CSMD1: variants seen among roughly 807,000 people sequenced by gnomAD.
CSMD1 encodes CUB and Sushi multiple domains 1, also known as CUB and sushi domain-containing protein 1.
CSMD1 carries 213 observed loss-of-function variants against 417.5 expected under a neutral mutation model. The observed-to-expected ratio is 0.51, with a 90% CI of 0.46 to 0.57. The LOEUF (loss-of-function observed/expected upper bound fraction) is 0.57. Ranked by LOEUF, CSMD1 falls within the 20% of genes least tolerant of loss-of-function variation. The pLI is 0.00. For synonymous variants in CSMD1, 2,862 were observed against 1,736.8 expected, an observed-to-expected ratio of 1.65 and a Z score of -16.11; for missense variants, 6,923 against 4,529.7, an observed-to-expected ratio of 1.53 and a Z score of -15.17.
At chr8:4,234,287 G>T (rs1233624994) in intron 3 of CSMD1, among the ~76,000 whole-genome samples, 3 of 152,092 alleles carry the variant, frequency 2.0e-5, no homozygotes, top group Non-Finnish European at 4.4e-5. Context: ...GTGATCTATG[G>T]GACCCATCCA....
At chr8:4,028,091 T>G (rs529164722) in intron 4 of CSMD1, among the ~76,000 whole-genome samples, 1 of 151,452 alleles carries the variant, frequency 6.6e-6, no homozygotes, top group African/African-American at 2.4e-5. Context: ...AAGTAATTAA[T>G]AAGAAAAAAA....
At chr8:4,525,373 C>G (rs1275868455) in intron 2 of CSMD1, among the ~76,000 whole-genome samples, 3 of 152,150 alleles carry the variant, frequency 2.0e-5, no homozygotes, top group African/African-American at 4.8e-5. Context: ...TCTTAACACT[C>G]CCCTTCCACT....
At chr8:3,421,720 C>G (rs765669336) in intron 12 of CSMD1, among the ~76,000 whole-genome samples, 8 of 152,194 alleles carry the variant, frequency 5.3e-5, no homozygotes, top group Non-Finnish European at 7.3e-5. Flanking sequence ...TCGCTACAAC[C>G]TCCACCTCCC....
chr8:4,405,570 A>G (rs535247061), intron 3 of CSMD1, among the ~76,000 whole-genome samples: 3 of 152,338 alleles, frequency 2.0e-5, no homozygotes, highest in South Asian at 2.1e-4. Flanking sequence ...ATTCAGAAAT[A>G]CACTATACAA....
chr8:3,621,337 G>C (rs1023076360), intron 7 of CSMD1, among the ~76,000 whole-genome samples: 3 of 152,124 alleles, frequency 2.0e-5, no homozygotes, highest in Admixed American at 6.5e-5. Context: ...GCCCACAAGA[G>C]ACTCACTTTA....
chr8:3,517,707 C>T (rs1797340115), intron 10 of CSMD1, among the ~76,000 whole-genome samples: 1 of 152,138 alleles, frequency 6.6e-6, no homozygotes, highest in African/African-American at 2.4e-5. Context: ...AATTCAGTCA[C>T]ATTTTTTGAT....
chr8:3,793,131 G>A (rs963263056), intron 5 of CSMD1, among the ~76,000 whole-genome samples: 1 of 152,162 alleles, frequency 6.6e-6, no homozygotes, highest in Admixed American at 6.5e-5. Flanking sequence ...AAGAGTGGAA[G>A]GAACTGCTCG....
intron 3 of CSMD1, among the ~76,000 whole-genome samples, chr8:4,372,125 T>A (rs975427790): frequency 3.3e-5 from 5 of 152,216 alleles, no homozygotes; most frequent in Non-Finnish European, 7.3e-5. Context: ...TTACTGAATA[T>A]TAGCATTTTT....
At chr8:4,509,792 C>T (rs1169787253) in intron 2 of CSMD1, among the ~76,000 whole-genome samples, 1 of 152,118 alleles carries the variant, frequency 6.6e-6, no homozygotes, top group African/African-American at 2.4e-5. Flanking sequence ...TCATTACCAC[C>T]CCCATGACAG....
At chr8:3,724,893 G>A (rs1015526625) in intron 6 of CSMD1, among the ~76,000 whole-genome samples, 2 of 152,154 alleles carry the variant, frequency 1.3e-5, no homozygotes, top group African/African-American at 4.8e-5. Context: ...GTCGCTATTA[G>A]ATCTGCCATG....
At chr8:4,462,583 T>G (rs1329028199) in intron 2 of CSMD1, among the ~76,000 whole-genome samples, 4 of 152,182 alleles carry the variant, frequency 2.6e-5, no homozygotes, top group African/African-American at 9.6e-5. Context: ...CCTACCTGAT[T>G]CAGCACTTTC....
At chr8:3,654,706 G>C (rs1003706186) in intron 7 of CSMD1, among the ~76,000 whole-genome samples, 4 of 152,192 alleles carry the variant, frequency 2.6e-5, no homozygotes, top group African/African-American at 9.7e-5. Flanking sequence ...AGCCAGCACA[G>C]GGACACATTG....
At chr8:4,875,167 G>T (rs1312826274) in intron 1 of CSMD1, among the ~76,000 whole-genome samples, 2 of 151,804 alleles carry the variant, frequency 1.3e-5, no homozygotes, top group Non-Finnish European at 2.9e-5. Context: ...TACAAATCTT[G>T]AAAGATTCGT....
chr8:4,977,688 C>T (rs576178534), intron 1 of CSMD1, among the ~76,000 whole-genome samples: 4 of 152,268 alleles, frequency 2.6e-5, no homozygotes, highest in East Asian at 3.9e-4. Flanking sequence ...GTTAAGTGAG[C>T]GCCTCCTAAG....
At chr8:3,762,797 A>C (rs774314615) in intron 5 of CSMD1, among the ~76,000 whole-genome samples, 1 of 152,214 alleles carries the variant, frequency 6.6e-6, no homozygotes, top group Non-Finnish European at 1.5e-5. Flanking sequence ...CCCTGAAGGC[A>C]AGGGAGAGCC....
intron 3 of CSMD1, among the ~76,000 whole-genome samples, chr8:4,151,625 C>G (rs1035238878): frequency 3.3e-5 from 5 of 152,068 alleles, no homozygotes; most frequent in Non-Finnish European, 7.4e-5. Context: ...TGTAGTTTCA[C>G]TTTGTTATCA....
chr8:3,237,142 G>A (rs1053144389), intron 26 of CSMD1, among the ~76,000 whole-genome samples: 7 of 151,710 alleles, frequency 4.6e-5, no homozygotes, highest in African/African-American at 1.5e-4. Flanking sequence ...CAATCTTTTT[G>A]CAACTAGATA....
At chr8:3,912,376 G>A (rs1445283390) in intron 5 of CSMD1, among the ~76,000 whole-genome samples, 1 of 152,258 alleles carries the variant, frequency 6.6e-6, no homozygotes, top group East Asian at 1.9e-4. Flanking sequence ...TACATTCAAG[G>A]CAATCTTCTA....
chr8:3,931,579 G>A (rs1039731086), intron 5 of CSMD1, among the ~76,000 whole-genome samples: 2 of 150,038 alleles, frequency 1.3e-5, no homozygotes, highest in Admixed American at 6.7e-5. Context: ...GCAGCAGTCA[G>A]TGCCATGAAT....
Sources: allele counts gnomAD v4.1 joint callset (sites outside exome capture counted in the v4.1 genomes callset), GRCh38; gene constraint gnomAD v4.1.1; transcripts MANE v1.5; gene names NCBI Gene and HGNC (gene_info 2026-07-23, HGNC 2026-07-21).